Variants in PARD3B observed in about 807,000 individuals in gnomAD.
PARD3B encodes the protein partitioning defective 3 homolog B.
In PARD3B, 103 loss-of-function variants were observed where a neutral mutation model predicts 130.2. The ratio of observed to expected loss-of-function variants is 0.79; its 90% CI spans 0.67 to 0.93. The LOEUF is 0.93. Ranked by LOEUF, PARD3B falls within the 40% of genes least tolerant of loss-of-function variation. The pLI is 0.00. For synonymous variants in PARD3B, 583 were observed against 553.2 expected (o/e 1.05, Z -0.76); for missense variants, 1,609 against 1,499.2 (o/e 1.07, Z -1.21).
intron 2 of PARD3B, among the ~76,000 whole-genome samples, chr2:204,794,246 A>G (rs917264253): frequency 9.2e-5 from 14 of 152,250 alleles, no homozygotes; most frequent in Admixed American, 7.9e-4. Context: ...TTAAATCTCT[A>G]TAAATTTCAT....
At chr2:205,024,144 C>CCAT (rs1382629824) in intron 3 of PARD3B, among the ~76,000 whole-genome samples, 1 of 150,458 alleles carries the variant, frequency 6.6e-6, no homozygotes, top group Non-Finnish European at 1.5e-5. Flanking sequence ...GTATGCCTCA[C>CCAT]CATCATTTTC....
At chr2:205,132,637 T>C (rs1210300415) in intron 10 of PARD3B, among the ~76,000 whole-genome samples, 1 of 152,340 alleles carries the variant, frequency 6.6e-6, no homozygotes, top group East Asian at 1.9e-4. Context: ...CACAATATTA[T>C]AATTTCTCCA....
chr2:204,689,786 A>C lies in PARD3B; in HGVS notation c.222+3504A>C, dbSNP rs549706110. On this transcript the variant is annotated intron_variant, in intron 2 of 22. Transcript: ENST00000406610. The surrounding 1 kb of genome is among the most constrained non-coding windows in gnomAD (Gnocchi z 5.2). Reference sequence around the variant, plus strand: ...CACAGGTAGTAAATGGCACAATCAGACTCTGGAACCTAGAATTTAAATTTC... The same window carrying C: ...CACAGGTAGTAAATGGCACAATCAGCCTCTGGAACCTAGAATTTAAATTTC... Among the ~76,000 whole-genome samples, 8 of 152,134 alleles carry C rather than the reference A, an allele frequency of 5.3e-5. No homozygotes were observed. The South Asian group carries it at 1.7e-3, about 32-fold the overall frequency.
chr2:204,885,357 G>A (rs754479280), intron 2 of PARD3B, among the ~76,000 whole-genome samples: 3 of 151,938 alleles, frequency 2.0e-5, no homozygotes, highest in Admixed American at 6.6e-5. Flanking sequence ...TAAGTTCCTC[G>A]TAGACTCTGG....
intron 3 of PARD3B, among the ~76,000 whole-genome samples, chr2:205,029,687 G>A (rs1169350493): frequency 2.0e-5 from 3 of 152,072 alleles, no homozygotes; most frequent in African/African-American, 4.8e-5. Flanking sequence ...GCCCTTTGGG[G>A]GTCAAGGACT....
Position 204,657,894 on chromosome 2 carries a change from G to T in PARD3B, c.121-28287G>T, listed in dbSNP as rs1311791564. 2.0e-5 allele frequency among the ~76,000 whole-genome samples: 3 copies of T among 152,018 alleles called. No homozygotes were observed. The East Asian group carries it at 5.8e-4, about 29-fold the overall frequency. ...ACTCCTTAATTCTTAAAAAAAGTAAGAACTTTTTTAGTAATATGTATACAC... is the reference window on the plus strand; with the variant it reads ...ACTCCTTAATTCTTAAAAAAAGTAATAACTTTTTTAGTAATATGTATACAC... On this transcript the variant is annotated intron_variant, in intron 1 of 22. Coordinates refer to ENST00000406610, the MANE Select transcript of PARD3B (RefSeq NM_001302769.2).
chr2:204,816,882 G>A (rs942951161), intron 2 of PARD3B, among the ~76,000 whole-genome samples: 1 of 151,728 alleles, frequency 6.6e-6, no homozygotes, highest in Non-Finnish European at 1.5e-5. Context: ...GCTCCTTTAA[G>A]CTGCCCCACA....
chr2:205,344,801 G>A (rs1233735331), intron 18 of PARD3B, among the ~76,000 whole-genome samples: 3 of 152,114 alleles, frequency 2.0e-5, no homozygotes, highest in East Asian at 1.9e-4. Context: ...GTGAAATTGC[G>A]TGGGTATAGC....
chr2:205,015,736 T>C lies in PARD3B; in HGVS notation c.395-31845T>C, dbSNP rs757135304. Among the ~76,000 whole-genome samples, 2 of 152,224 alleles carry C rather than the reference T, an allele frequency of 1.3e-5. No homozygotes were observed. Among genetic ancestry groups the C allele is most frequent in the Non-Finnish European group, 1.5e-5 (1 of 68,038 alleles). On this transcript the variant is annotated intron_variant, in intron 3 of 22. Coordinates refer to ENST00000406610, the MANE Select transcript of PARD3B (RefSeq NM_001302769.2). The surrounding 1 kb of genome is among the most constrained non-coding windows in gnomAD (Gnocchi z 4.5). ...TTGTGCAGTGGGGTTTCTTTCTTACTTAGTTTTGAACAATTGGCCCTATTT... is the reference window on the plus strand; with the variant it reads ...TTGTGCAGTGGGGTTTCTTTCTTACCTAGTTTTGAACAATTGGCCCTATTT...
intron 19 of PARD3B, among the ~76,000 whole-genome samples, chr2:205,428,209 C>A (rs1028167742): frequency 2.6e-5 from 4 of 152,068 alleles, no homozygotes; most frequent in Admixed American, 1.3e-4. Flanking sequence ...ATGGAAAAAA[C>A]CCCATCTCTA....
At chr2:204,642,368 T>C (rs1378118828) in intron 1 of PARD3B, among the ~76,000 whole-genome samples, 1 of 152,174 alleles carries the variant, frequency 6.6e-6, no homozygotes, top group African/African-American at 2.4e-5. Context: ...CACTGGAAAT[T>C]GGTCAGAGTG....
intron 19 of PARD3B, among the ~76,000 whole-genome samples, chr2:205,413,947 G>T (rs1345693399): frequency 6.6e-6 from 1 of 152,114 alleles, no homozygotes; most frequent in Admixed American, 6.5e-5. Flanking sequence ...CCTTTTTAGG[G>T]AAAATTGAAT....
chr2:204,965,268 C>T lies in PARD3B; in HGVS notation c.339C>T (p.Ala113=), dbSNP rs236843. Residue 113 remains alanine, a synonymous_variant, in exon 3 of 23, where the codon GCC becomes GCT. Transcript: ENST00000406610. ...AFETEVAAQL[A]AFKPIGGEIE... ...AGACAGAAGTGGCCGCCCAACTGGC[C>T]GCATTTAAGCCAATTGGTGGGGAGA... The T allele has an allele frequency of 0.6, 972,361 of 1,613,006 alleles. 301,528 individuals carry two copies. The highest frequency in any genetic ancestry group is 0.9 in the African/African-American group (67,575 of 74,940).
At chr2:205,345,609 T>A (rs1371826156) in intron 18 of PARD3B, among the ~76,000 whole-genome samples, 1 of 151,544 alleles carries the variant, frequency 6.6e-6, no homozygotes, top group Non-Finnish European at 1.5e-5. Flanking sequence ...TGCTGCTAAG[T>A]TCACCCCCTT....
At position 204,799,246 on chromosome 2, in the gene PARD3B, G is replaced by T. The variant is rs2042480236; in HGVS notation, c.222+112964G>T. ...CAGTAGCCAGGCAGTACTTGCCCTG[G>T]GCCTGGGTCGCTGGTGGCTGCAGGG... On this transcript the variant is annotated intron_variant, in intron 2 of 22. Transcript: ENST00000406610. This position sits in a 1 kb window ranked among gnomAD's most constrained non-coding sequence, Gnocchi z 4.1. Among the ~76,000 whole-genome samples, 1 of 152,182 alleles carries T rather than the reference G, an allele frequency of 6.6e-6. No individual in the cohort carries two copies. The highest frequency in any genetic ancestry group is 1.5e-5 in the Non-Finnish European group (1 of 68,032).
intron 15 of PARD3B, among the ~76,000 whole-genome samples, chr2:205,214,609 A>C (rs1373571994): frequency 6.6e-6 from 1 of 152,060 alleles, no homozygotes. Context: ...AATTTATGCA[A>C]ATTTTTATCT....
rs1327495450 is a variant in PARD3B, at chr2:205,550,849, T to C, written c.3181-2475T>C. 3.4e-5 allele frequency among the ~76,000 whole-genome samples: 5 copies of C among 147,676 alleles called. No homozygotes were observed. Among genetic ancestry groups the C allele is most frequent in the Admixed American group, 1.4e-4 (2 of 14,768 alleles). ...ATATTTTATGTATATTTGAATATTT[T>C]ATATGTATATTTGTATGTATATATG... On this transcript the variant is annotated intron_variant, in intron 21 of 22. Transcript: ENST00000406610. The surrounding 1 kb of genome is among the most constrained non-coding windows in gnomAD (Gnocchi z 4.5).
chr2:205,259,550 A>G (rs1203705881), intron 16 of PARD3B, among the ~76,000 whole-genome samples: 13 of 149,696 alleles, frequency 8.7e-5, no homozygotes, highest in Admixed American at 8.6e-4. Context: ...AGATTTCTTT[A>G]TATTATCCTT....
chr2:204,787,269 T>G (rs1446872991), intron 2 of PARD3B, among the ~76,000 whole-genome samples: 1 of 150,862 alleles, frequency 6.6e-6, no homozygotes, highest in Non-Finnish European at 1.5e-5. Flanking sequence ...CCTGATATTC[T>G]GTTTCATGGT....
Sources: gnomAD v4.1 joint callset for allele counts (sites outside exome capture counted in the v4.1 genomes callset) on GRCh38, gnomAD v4.1.1 for gene constraint, Gnocchi (gnomAD v3.1) non-coding constraint, MANE v1.5 for transcripts, NCBI Gene and HGNC (gene_info 2026-07-23, HGNC 2026-07-21) for gene names.